KYAT1: variants seen among roughly 807,000 people sequenced by gnomAD.
KYAT1 encodes kynurenine aminotransferase 1.
A neutral mutation model predicts 52.4 loss-of-function variants in KYAT1; 47 were observed. That is an observed-to-expected ratio of 0.90 (90% CI 0.71 to 1.14). The LOEUF is 1.14. Among genes scored for constraint, KYAT1 ranks in the 50% most tolerant of loss-of-function variants. The pLI, the probability that KYAT1 is intolerant of heterozygous loss-of-function variation, is 0.00. For missense variants in KYAT1, 480 were observed against 557.9 expected (o/e 0.86, Z 1.41); for synonymous variants, 212 against 209.6 (o/e 1.01, Z -0.10).
chr9:128,878,807 A>G (rs1008585770), intron 1 of KYAT1, among the ~76,000 whole-genome samples: 1 of 152,204 alleles, frequency 6.6e-6, no homozygotes, highest in African/African-American at 2.4e-5. Context: ...CCCAGATTCA[A>G]AAACCACAAT....
At chr9:128,875,941 A>G (rs1837960460) in intron 1 of KYAT1, among the ~76,000 whole-genome samples, 1 of 151,388 alleles carries the variant, frequency 6.6e-6, no homozygotes, top group South Asian at 2.1e-4. Context: ...GGCTGATGTC[A>G]ATAACCCAGG....
chr9:128,868,690 C>T (rs1029693208), intron 1 of KYAT1, among the ~76,000 whole-genome samples: 3 of 151,758 alleles, frequency 2.0e-5, no homozygotes, highest in African/African-American at 7.3e-5. Context: ...GCACATGCCA[C>T]CATGCCTGGC....
rs372978485 is a variant in KYAT1, at chr9:128,845,373, G to A, written c.33C>T (p.Asp11=). 83 of 1,613,870 alleles carry A rather than the reference G, an allele frequency of 5.1e-5. No homozygotes were observed. In the African/African-American group the frequency reaches 9.3e-4, roughly 18 times the overall value. ...CTCACCAGGGGTTGTAGTCGATCCC[G>A]TCTAGCCTTCGGGCCTGCAGCTGTT... MAKQLQARRL[D]GIDYNPWVEF... The change falls in exon 2 of 13, where the codon GAC becomes GAT. Residue 11 remains aspartate (D), a synonymous_variant. Coordinates refer to ENST00000302586, the MANE Select transcript of KYAT1 (RefSeq NM_004059.5).
chr9:128,865,690 G>A (rs1588138420), intron 1 of KYAT1, among the ~76,000 whole-genome samples: 1 of 151,868 alleles, frequency 6.6e-6, no homozygotes, highest in East Asian at 1.9e-4. Flanking sequence ...TCAGGACTCT[G>A]ACTCCTACTT....
chr9:128,866,561 T>G (rs1167339682), intron 1 of KYAT1, among the ~76,000 whole-genome samples: 1 of 151,828 alleles, frequency 6.6e-6, no homozygotes, highest in Non-Finnish European at 1.5e-5. Flanking sequence ...ATCGTGCCAT[T>G]GCACTCCAGC....
At chr9:128,845,327 A>G (rs2119160575) in intron 2 of KYAT1, 26 bp downstream of exon 2, 1 of 1,610,358 alleles carries the variant, frequency 6.2e-7, no homozygotes, top group East Asian at 2.2e-5. Flanking sequence ...GGACACCCAC[A>G]CACCTCCCCA....
intron 1 of KYAT1, among the ~76,000 whole-genome samples, chr9:128,858,522 A>G (rs1029075358): frequency 6.6e-6 from 1 of 150,962 alleles, no homozygotes; most frequent in Non-Finnish European, 1.5e-5. Context: ...ATATGATGAA[A>G]CCCCATCTCT....
At chr9:128,846,266 C>A (rs1306534333) in intron 1 of KYAT1, among the ~76,000 whole-genome samples, 3 of 152,146 alleles carry the variant, frequency 2.0e-5, no homozygotes, top group Non-Finnish European at 2.9e-5. Context: ...CCCATCTCTA[C>A]TAAAAATACA....
intron 11 of KYAT1, among the ~76,000 whole-genome samples, chr9:128,834,810 C>T (rs1487976832): frequency 6.4e-5 from 8 of 124,962 alleles, no homozygotes; most frequent in East Asian, 2.4e-4. Flanking sequence ...CCCACCTAGG[C>T]GACAGAGTGA....
chr9:128,836,811 T>C lies in KYAT1; in HGVS notation c.679A>G (p.Ile227Val). ...QWMVYDGHQHISIASLPGMWE... is the reference protein window; with the variant it reads ...QWMVYDGHQHVSIASLPGMWE... ...GGCTGGCTTGGCTCACCAATGCTGA[T>C]GTGCTGGTGCCCGTCGTAGACCATC... The change falls in exon 7 of 13, where the codon ATC becomes GTC. Residue 227 changes from isoleucine to valine, a missense_variant. Physicochemically the swap from Ile to Val is conservative, Grantham distance 29. Coordinates refer to ENST00000302586, the MANE Select transcript of KYAT1 (RefSeq NM_004059.5). 10 of 1,613,610 alleles carry C rather than the reference T, an allele frequency of 6.2e-6. No individual in the cohort carries two copies. The highest frequency in any genetic ancestry group is 1.3e-5 in the African/African-American group (1 of 75,016).
At chr9:128,881,962 C>G (rs1046875125), upstream of KYAT1, 2 of 152,276 alleles carry the variant, frequency 1.3e-5, no homozygotes, top group Non-Finnish European at 2.9e-5. Flanking sequence ...GTCCCTGTCC[C>G]TTTAAGGGGG....
At position 128,865,326 on chromosome 9, in the gene KYAT1, TATATATATATATATATATATATATA is replaced by T. The variant is rs1836094097; in HGVS notation, c.-7+16546_-7+16570del. ...GAGCCTACATATATATATATATATA[TATATATATATATATATATATATATA>T]TATATATATTTTTTTTTTTTTTTTT... On this transcript the variant is annotated intron_variant, in intron 1 of 12. Transcript: ENST00000302586. 3.0e-4 allele frequency among the ~76,000 whole-genome samples: 14 copies of T among 46,640 alleles called. 3 individuals are homozygous for T. In the African/African-American group the frequency reaches 3.3e-3, roughly 11 times the overall value. The allele number at this position is 46,640 out of a possible 152,430, so 30.6% of individuals were successfully genotyped here. A position where few individuals can be genotyped will look rare whatever the true frequency, so the allele number is the denominator to read the frequency against.
intron 1 of KYAT1, among the ~76,000 whole-genome samples, chr9:128,849,054 G>A (rs1484757011): frequency 1.3e-5 from 2 of 151,468 alleles, no homozygotes; most frequent in African/African-American, 4.9e-5. Flanking sequence ...GGCAAAGGTT[G>A]CAGTGAGCCA....
chr9:128,864,678 A>G (rs1317267730), intron 1 of KYAT1, among the ~76,000 whole-genome samples: 1 of 151,980 alleles, frequency 6.6e-6, no homozygotes, highest in Non-Finnish European at 1.5e-5. Flanking sequence ...GCGCGATCTC[A>G]GCTCTCTGCA....
In KYAT1 at chr9:128,833,846, T is replaced by C. The variant is rs1830530943; in HGVS notation, c.1123-20A>G. 1.2e-6 allele frequency: 2 copies of C among 1,606,602 alleles called. No individual in the cohort carries two copies. The highest frequency in any genetic ancestry group is 1.7e-6 in the Non-Finnish European group (2 of 1,173,418). On this transcript the variant is annotated intron_variant, in intron 11 of 12. Transcript: ENST00000302586. ...CAAGCCCTGGGGAGGAGGAAGGACA[T>C]GTCTCAACACGGCCTCGTGGCCCAG...
chr9:128,854,513 A>G (rs897708592), intron 1 of KYAT1, among the ~76,000 whole-genome samples: 54 of 152,206 alleles, frequency 3.5e-4, no homozygotes, highest in African/African-American at 9.7e-5. Context: ...GTTGCCATCC[A>G]CCAAAAAAGC....
At chr9:128,867,007 G>A (rs138789776) in intron 1 of KYAT1, among the ~76,000 whole-genome samples, 1 of 152,118 alleles carries the variant, frequency 6.6e-6, no homozygotes, top group East Asian at 1.9e-4. Flanking sequence ...CTCTCAGATG[G>A]GCCAAGACAA....
At chr9:128,882,289 CCT>C (rs1839070927), upstream of KYAT1, 1 of 154,744 alleles carries the variant, frequency 6.5e-6, no homozygotes, top group Non-Finnish European at 1.4e-5. Context: ...CGAGCTGTCA[CCT>C]CTCGAAACCC....
At position 128,876,409 on chromosome 9, in the gene KYAT1, C is replaced by CTT. The variant is rs71383618; in HGVS notation, c.-7+5486_-7+5487dup. Among the ~76,000 whole-genome samples, 181 of 124,490 alleles carry CTT rather than the reference C, an allele frequency of 1.5e-3. 2 individuals carry two copies. Among genetic ancestry groups the CTT allele is most frequent in the Middle Eastern group, 4.2e-3 (1 of 240 alleles). The allele number at this position is 124,490 out of a possible 152,430, so 81.7% of individuals were successfully genotyped here. On this transcript the variant is annotated intron_variant, in intron 1 of 12. Transcript: ENST00000302586. ...ACACCACACCCAGTCATCCTTTGTT[C>CTT]TTTTTTTTTTTTTTTTTTCTGTTTT...
Sources: allele counts gnomAD v4.1 joint callset (sites outside exome capture counted in the v4.1 genomes callset), GRCh38; gene constraint gnomAD v4.1.1; transcripts MANE v1.5; gene names NCBI Gene and HGNC (gene_info 2026-07-23, HGNC 2026-07-21).